The following BSN variants were observed in gnomAD, a reference collection of about 807,000 sequenced individuals.
The protein encoded by BSN is bassoon presynaptic cytomatrix protein, also known as protein bassoon.
BSN carries 57 observed loss-of-function variants against 264.8 expected under a neutral mutation model. The observed-to-expected ratio is 0.22, with a 90% CI of 0.17 to 0.27. The LOEUF (loss-of-function observed/expected upper bound fraction) is 0.27. Ranked by LOEUF, BSN falls within the 10% of genes least tolerant of loss-of-function variation. BSN has a pLI of 1.00. For missense variants in BSN, 4,615 were observed against 5,232.5 expected (o/e 0.88, Z 3.64); for synonymous variants, 2,059 against 2,137.3 (o/e 0.96, Z 1.01).
At chr3:49,626,284 G>A (rs553391085) in intron 2 of BSN, among the ~76,000 whole-genome samples, 4 of 152,188 alleles carry the variant, frequency 2.6e-5, no homozygotes, top group Non-Finnish European at 4.4e-5. Flanking sequence ...ATGGAGAGAG[G>A]CTGGCTGCAG....
At chr3:49,557,052 G>A (rs2051678442) in intron 1 of BSN, among the ~76,000 whole-genome samples, 3 of 152,162 alleles carry the variant, frequency 2.0e-5, no homozygotes, top group Non-Finnish European at 4.4e-5. Context: ...TCTGTGAGGG[G>A]GTGGCTCCAG....
intron 6 of BSN, 125 bp from the exon 7 acceptor site, chr3:49,662,751 T>TTGGGGGGGGGGGGGGGG: frequency 2.7e-6 from 1 of 366,526 alleles, no homozygotes; most frequent in Non-Finnish European, 5.1e-6. Context: ...GAGGGTGGGC[T>TTGGGGGGGGGGGGGGGG]GGGGGCCTGC....
At chr3:49,649,080 C>T (rs1206577488) in intron 3 of BSN, among the ~76,000 whole-genome samples, 1 of 152,166 alleles carries the variant, frequency 6.6e-6, no homozygotes, top group Non-Finnish European at 1.5e-5. Context: ...TCTCTGTGGA[C>T]AGCAAACCAG....
intron 1 of BSN, among the ~76,000 whole-genome samples, chr3:49,559,400 C>A (rs2051697670): frequency 6.6e-6 from 1 of 152,144 alleles, no homozygotes; most frequent in Non-Finnish European, 1.5e-5. Context: ...CCTAGAGAAG[C>A]AAATTCCAGA....
chr3:49,644,163 G>A (rs2052488750), intron 3 of BSN, among the ~76,000 whole-genome samples: 2 of 152,198 alleles, frequency 1.3e-5, no homozygotes, highest in African/African-American at 4.8e-5. Context: ...GTGTTTCCCA[G>A]CTGTGTCACG....
chr3:49,661,741 G>C lies in BSN; in HGVS notation c.9896G>C (p.Arg3299Pro), dbSNP rs775913857. ...TCTGAGGAGGACTCATACGATCCCC[G>C]CGGGAAGGGTGGCCACCTCCGGAGC... Reference protein sequence around the residue: ...EESEEDSYDPRGKGGHLRSME... With the variant: ...EESEEDSYDPPGKGGHLRSME... The change falls in exon 6 of 12, where the codon CGC (arginine) becomes CCC (proline). Residue 3299 changes from arginine (R) to proline (P), a missense_variant. Arg to Pro is a moderately radical substitution (Grantham distance 103). This residue lies in a region of BSN where 3,415 missense variants were observed against 3,866.4 expected (regional missense o/e 0.88). Transcript: ENST00000296452. 1.6e-5 allele frequency: 26 copies of C among 1,613,460 alleles called. No individual in the cohort carries two copies. Among genetic ancestry groups the C allele is most frequent in the Non-Finnish European group, 2.0e-5 (24 of 1,180,028 alleles).
intron 6 of BSN, 54 bp from the exon 7 acceptor site, chr3:49,662,822 C>T: frequency 1.3e-6 from 2 of 1,514,048 alleles, no homozygotes; most frequent in South Asian, 1.3e-5. Flanking sequence ...TCAGCTAGGC[C>T]TCCCCCTGCG....
At chr3:49,604,681 A>G (rs1245645113) in intron 1 of BSN, among the ~76,000 whole-genome samples, 1 of 152,144 alleles carries the variant, frequency 6.6e-6, no homozygotes, top group Admixed American at 6.5e-5. Flanking sequence ...GAGTACTGCA[A>G]CAGCCTGGTG....
chr3:49,610,595 A>C (rs1042290911), intron 1 of BSN, among the ~76,000 whole-genome samples: 2 of 151,534 alleles, frequency 1.3e-5, no homozygotes, highest in African/African-American at 4.8e-5. Flanking sequence ...AAAAAAAAAA[A>C]AAAAAAAAAA....
chr3:49,576,360 A>G (rs1182267872), intron 1 of BSN, among the ~76,000 whole-genome samples: 1 of 151,828 alleles, frequency 6.6e-6, no homozygotes, highest in Non-Finnish European at 1.5e-5. Flanking sequence ...ATATCTGGGA[A>G]ATTCCCTGTT....
intron 1 of BSN, among the ~76,000 whole-genome samples, chr3:49,613,358 C>T (rs1336789623): frequency 2.2e-5 from 1 of 44,882 alleles, no homozygotes; most frequent in East Asian, 1.9e-3. Context: ...GAAGGGCTGG[C>T]CCAGAGCTCT....
At chr3:49,582,109 A>G (rs1216458647) in intron 1 of BSN, among the ~76,000 whole-genome samples, 1 of 152,166 alleles carries the variant, frequency 6.6e-6, no homozygotes, top group African/African-American at 2.4e-5. Flanking sequence ...CATTTCCACC[A>G]TCATTGTATG....
At chr3:49,650,522 C>T (rs2052532441) in intron 3 of BSN, 90 bp from the exon 4 acceptor site, 1 of 1,285,356 alleles carries the variant, frequency 7.8e-7, no homozygotes, top group African/African-American at 1.5e-5. Flanking sequence ...TCTCTCCTCC[C>T]TAAGGTTACA....
In BSN at chr3:49,655,972, A is replaced by G. The variant is rs1307406481; in HGVS notation, c.6416A>G (p.Gln2139Arg). 3 of 1,609,432 alleles carry G rather than the reference A, an allele frequency of 1.9e-6. No homozygotes were observed. The highest frequency in any genetic ancestry group is 1.3e-5 in the African/African-American group (1 of 74,894). The change falls in exon 5 of 12, where the codon CAG becomes CGG. Residue 2139 changes from glutamine (Q) to arginine (R), a missense_variant. Physicochemically the swap from Gln to Arg is conservative, Grantham distance 43. Around this residue, in one of 3 missense-constraint regions of BSN, gnomAD observed 3,415 missense variants for 3,866.4 expected, o/e 0.88. Transcript: ENST00000296452. Reference protein sequence around the residue: ...PQHGPGLSAPQSLVPLRPGLL... With the variant: ...PQHGPGLSAPRSLVPLRPGLL... ...CACGGGCCCGGGCTCAGTGCTCCACAGAGTCTGGTTCCCCTCAGACCTGGA... is the reference window on the plus strand; with the variant it reads ...CACGGGCCCGGGCTCAGTGCTCCACGGAGTCTGGTTCCCCTCAGACCTGGA...
rs750023798 is a variant in BSN at position 49,655,002 on chromosome 3, G to A, written c.5446G>A (p.Val1816Ile). 9.3e-6 allele frequency: 15 copies of A among 1,613,192 alleles called. No homozygotes were observed. The highest frequency in any genetic ancestry group is 5.5e-5 in the South Asian group (5 of 91,088). ...NQVAPLARRD[V>I]LITQMGTAQS... ...AGTAGCTCCTCTGGCCAGAAGAGAC[G>A]TTTTGATCACTCAGATGGGCACCGC... The change falls in exon 5 of 12, where the codon GTT becomes ATT. Residue 1816 changes from valine (V) to isoleucine (I), a missense_variant. Coordinates refer to ENST00000296452, the MANE Select transcript of BSN (RefSeq NM_003458.4).
At position 49,662,520 on chromosome 3, in the gene BSN, T is replaced by G. The variant is rs764344900; in HGVS notation, c.10675T>G (p.Tyr3559Asp). 6.2e-6 allele frequency: 10 copies of G among 1,608,806 alleles called. No homozygotes were observed. The highest frequency in any genetic ancestry group is 1.7e-5 in the Admixed American group (1 of 59,004). ...RAHAYKREEG[Y>D]ILDDSHCVVS... ...CCACGCATATAAGCGTGAGGAGGGC[T>G]ACATCCTGGATGATTCCCATTGCGT... The change falls in exon 6 of 12, where the codon TAC (tyrosine) becomes GAC (aspartate). Residue 3559 changes from tyrosine (Y) to aspartate (D), a missense_variant. Tyr to Asp is a radical substitution (Grantham distance 160). Transcript: ENST00000296452.
In BSN at chr3:49,654,412, C is replaced by T; in HGVS notation, c.4856C>T (p.Pro1619Leu). Reference sequence around the variant, plus strand: ...GGGCCACCTGGCTTTCCACGGGTGCCCAGTGCTGGTGCAGATGGGCCCCTG... The same window carrying T: ...GGGCCACCTGGCTTTCCACGGGTGCTCAGTGCTGGTGCAGATGGGCCCCTG... ...PPGPPGFPRV[P>L]SAGADGPLAL... The change falls in exon 5 of 12, where the codon CCC (proline) becomes CTC (leucine). Residue 1619 changes from proline to leucine, a missense_variant. Transcript: ENST00000296452. The surrounding 1 kb of genome is among the most constrained non-coding windows in gnomAD (Gnocchi z 4.1). The T allele has an allele frequency of 1.2e-6, 2 of 1,600,632 alleles. No individual in the cohort carries two copies. Among genetic ancestry groups the T allele is most frequent in the Non-Finnish European group, 8.5e-7 (1 of 1,174,230 alleles).
At chr3:49,574,394 C>T (rs1176196197) in intron 1 of BSN, among the ~76,000 whole-genome samples, 2 of 152,072 alleles carry the variant, frequency 1.3e-5, no homozygotes, top group Non-Finnish European at 2.9e-5. Flanking sequence ...GGCAGGTTCC[C>T]CACAGGAAGT....
chr3:49,564,039 C>A (rs2051734762), intron 1 of BSN, among the ~76,000 whole-genome samples: 1 of 152,212 alleles, frequency 6.6e-6, no homozygotes, highest in African/African-American at 2.4e-5. Flanking sequence ...TCCTGATTTT[C>A]TTCTCTGGAC....
Sources: gnomAD v4.1 joint callset for allele counts (sites outside exome capture counted in the v4.1 genomes callset) on GRCh38, gnomAD v4.1.1 for gene constraint, gnomAD v4.1.1 regional missense constraint, Gnocchi (gnomAD v3.1) non-coding constraint, MANE v1.5 for transcripts, NCBI Gene and HGNC (gene_info 2026-07-23, HGNC 2026-07-21) for gene names.